Variants in CAST observed in about 807,000 individuals in gnomAD.
The protein encoded by CAST is MIR583 host.
CAST carries 76 observed loss-of-function variants against 119.6 expected under a neutral mutation model. The ratio of observed to expected loss-of-function variants is 0.64; its 90% confidence interval spans 0.53 to 0.77. CAST has a LOEUF of 0.77. Ranked by LOEUF, CAST falls within the 30% of genes least tolerant of loss-of-function variation. The pLI, the probability that CAST is intolerant of heterozygous loss-of-function variation, is 0.00. For missense variants in CAST, 953 were observed against 946.5 expected (o/e 1.01, Z -0.09); for synonymous variants, 319 against 331.6 (o/e 0.96, Z 0.41).
At chr5:96,034,725 T>G in the CAST span, among the ~76,000 whole-genome samples, 1 of 151,564 alleles carries the variant, frequency 6.6e-6, no homozygotes, top group South Asian at 2.1e-4. Flanking sequence ...ATTCCTCCTA[T>G]CTAAATGAAA....
chr5:96,470,432 T>C, the CAST span, among the ~76,000 whole-genome samples: 2 of 151,922 alleles, frequency 1.3e-5, no homozygotes, highest in Non-Finnish European at 2.9e-5. Flanking sequence ...AAAATAATAA[T>C]ATGTTAGAAT....
chr5:96,346,243 T>C, the CAST span, among the ~76,000 whole-genome samples: 4 of 152,218 alleles, frequency 2.6e-5, no homozygotes, highest in Non-Finnish European at 5.9e-5. Context: ...CCTGAGTAGA[T>C]GGCAGTACTA....
chr5:96,766,094 A>G lies in CAST; in HGVS notation c.2079A>G (p.Arg693=). The change falls in exon 27 of 32, where the codon AGA becomes AGG. Residue 693 remains arginine, a synonymous_variant. Transcript: ENST00000675179. The stretch of plus-strand genomic sequence containing the variant: ...AACATAGAGACAAGCTTGGAGAAAG[A>G]GATGACACTATCCCACCTGAATACA... ...KAEHRDKLGE[R]DDTIPPEYRH... is the part of the protein sequence containing the mutation. The G allele has an allele frequency of 6.2e-7, 1 of 1,611,832 alleles. No homozygotes were observed. Among genetic ancestry groups the G allele is most frequent in the Non-Finnish European group, 8.5e-7 (1 of 1,178,336 alleles).
At chr5:96,530,946 C>T (rs1178944467) in intron 1 of CAST, among the ~76,000 whole-genome samples, 1 of 152,082 alleles carries the variant, frequency 6.6e-6, no homozygotes, top group Non-Finnish European at 1.5e-5. Flanking sequence ...GCATGCACCA[C>T]CATGCCTAGA....
At chr5:96,386,692 T>C in the CAST span, among the ~76,000 whole-genome samples, 9,721 of 152,282 alleles carry the variant, frequency 0.064, 961 homozygotes, top group African/African-American at 0.21. Context: ...TTGCCAGGCA[T>C]GGTGGCTCAC....
At chr5:96,053,245 C>T in the CAST span, among the ~76,000 whole-genome samples, 192 of 152,266 alleles carry the variant, frequency 1.3e-3, 1 homozygote, top group South Asian at 0.024. Flanking sequence ...TGTAATTGGT[C>T]TGAGGTACAG....
the CAST span, among the ~76,000 whole-genome samples, chr5:96,495,215 G>C: frequency 6.6e-6 from 1 of 151,564 alleles, no homozygotes; most frequent in African/African-American, 2.4e-5. Context: ...GTTAAAATAA[G>C]TGACTTGTAA....
chr5:96,012,854 C>A, the CAST span, among the ~76,000 whole-genome samples: 3 of 152,220 alleles, frequency 2.0e-5, no homozygotes, highest in South Asian at 2.1e-4. Context: ...ACTTAAGAAC[C>A]CTTGCATGCT....
intron 1 of CAST, among the ~76,000 whole-genome samples, chr5:96,541,451 C>T (rs1184056877): frequency 6.6e-6 from 1 of 152,190 alleles, no homozygotes; most frequent in African/African-American, 2.4e-5. Context: ...TTTCTAGACT[C>T]AATCCCCTGA....
chr5:96,041,874 G>A, the CAST span, among the ~76,000 whole-genome samples: 1 of 152,122 alleles, frequency 6.6e-6, no homozygotes, highest in Non-Finnish European at 1.5e-5. Flanking sequence ...AGTTGATATG[G>A]CTGGAGCCTC....
chr5:96,373,628 G>T, the CAST span, among the ~76,000 whole-genome samples: 1 of 152,216 alleles, frequency 6.6e-6, no homozygotes, highest in Non-Finnish European at 1.5e-5. Context: ...AGACGGACTT[G>T]TGAATAACTT....
At chr5:95,999,406 T>C in the CAST span, among the ~76,000 whole-genome samples, 1 of 152,268 alleles carries the variant, frequency 6.6e-6, no homozygotes, top group East Asian at 1.9e-4. Context: ...CTAGATTTGC[T>C]TGGTGTGATC....
At chr5:96,698,115 C>A (rs1259298900) in intron 3 of CAST, among the ~76,000 whole-genome samples, 1 of 152,192 alleles carries the variant, frequency 6.6e-6, no homozygotes, top group Non-Finnish European at 1.5e-5. Flanking sequence ...ATTATCTAAA[C>A]TTTTGAAGGT....
chr5:96,107,182 G>T, the CAST span, among the ~76,000 whole-genome samples: 1 of 151,884 alleles, frequency 6.6e-6, no homozygotes, highest in Non-Finnish European at 1.5e-5. Context: ...TATCCAATTT[G>T]CCAGTCTGTG....
At chr5:96,119,355 T>C in the CAST span, among the ~76,000 whole-genome samples, 1 of 152,264 alleles carries the variant, frequency 6.6e-6, no homozygotes, top group South Asian at 2.1e-4. Context: ...CCCCAAAGTT[T>C]CCAGCATTTA....
the CAST span, among the ~76,000 whole-genome samples, chr5:96,326,437 C>T: frequency 6.6e-6 from 1 of 152,156 alleles, no homozygotes; most frequent in Non-Finnish European, 1.5e-5. Flanking sequence ...ATGTTCTCCT[C>T]TTCTTTTCTT....
chr5:96,093,216 T>G, the CAST span, among the ~76,000 whole-genome samples: 27 of 152,268 alleles, frequency 1.8e-4, no homozygotes, highest in Admixed American at 1.4e-3. Flanking sequence ...GTGACCCAAT[T>G]CTTTATTTAG....
chr5:96,109,945 A>G, the CAST span, among the ~76,000 whole-genome samples: 3 of 151,646 alleles, frequency 2.0e-5, no homozygotes, highest in East Asian at 5.8e-4. Flanking sequence ...AAAAAAAAAG[A>G]AAAAAAATAA....
intron 1 of CAST, among the ~76,000 whole-genome samples, chr5:96,648,167 A>G (rs963778299): frequency 1.3e-5 from 2 of 152,146 alleles, no homozygotes; most frequent in African/African-American, 4.8e-5. Context: ...GGATGTTTTT[A>G]CTCAAGTTGT....
Sources: gnomAD v4.1 joint callset for allele counts (sites outside exome capture counted in the v4.1 genomes callset) on GRCh38, gnomAD v4.1.1 for gene constraint, MANE v1.5 for transcripts, NCBI Gene and HGNC (gene_info 2026-07-23, HGNC 2026-07-21) for gene names.